BUB1B: variants seen among roughly 807,000 people sequenced by gnomAD.
The protein encoded by BUB1B is BUB1 mitotic checkpoint serine/threonine kinase B.
A neutral mutation model predicts 137.7 loss-of-function variants in BUB1B; 86 were observed. The observed-to-expected ratio is 0.62, with a 90% confidence interval of 0.52 to 0.75. BUB1B has a LOEUF of 0.75. Among genes scored for constraint, BUB1B ranks in the 30% least tolerant of loss-of-function variants. The pLI is 0.00. For missense variants in BUB1B, 1,130 were observed against 1,236.9 expected, an observed-to-expected ratio of 0.91 and a Z score of 1.30; for synonymous variants, 420 against 417.9, an observed-to-expected ratio of 1.00 and a Z score of -0.06.
chr15:40,186,568 C>T (rs1276517008), intron 8 of BUB1B, among the ~76,000 whole-genome samples: 5 of 151,312 alleles, frequency 3.3e-5, no homozygotes, highest in Non-Finnish European at 7.4e-5. Flanking sequence ...CCTTAGCCTC[C>T]CAAGTAGCTG....
At chr15:40,211,052 CTA>C in intron 18 of BUB1B, among the ~76,000 whole-genome samples, 1 of 152,272 alleles carries the variant, frequency 6.6e-6, no homozygotes, top group African/African-American at 2.4e-5. Context: ...CTCTTATTCT[CTA>C]ATTCCTTTTA....
intron 8 of BUB1B, among the ~76,000 whole-genome samples, chr15:40,190,433 G>A (rs534282476): frequency 4.6e-5 from 7 of 151,964 alleles, no homozygotes; most frequent in Non-Finnish European, 1.0e-4. Flanking sequence ...GCAATATAGT[G>A]AGACCCCATC....
chr15:40,166,668 T>C (rs924976272), intron 2 of BUB1B, among the ~76,000 whole-genome samples: 2 of 152,056 alleles, frequency 1.3e-5, no homozygotes, highest in Admixed American at 6.6e-5. Context: ...TCCCTTGGAG[T>C]GGAATTGTTG....
At chr15:40,212,800 T>A (rs904611682) in intron 19 of BUB1B, 152 bp downstream of exon 19, 6 of 806,876 alleles carry the variant, frequency 7.4e-6, no homozygotes, top group Non-Finnish European at 1.2e-5. Flanking sequence ...TCTCGTTATT[T>A]TGACCAAAGA....
intron 4 of BUB1B, 83 bp downstream of exon 4, chr15:40,170,764 A>G: frequency 7.0e-7 from 1 of 1,421,636 alleles, no homozygotes; most frequent in East Asian, 2.3e-5. Context: ...ACCAAAAAAA[A>G]AGTAAAACAG....
At chr15:40,180,567 A>G (rs1290551523) in intron 5 of BUB1B, among the ~76,000 whole-genome samples, 1 of 147,130 alleles carries the variant, frequency 6.8e-6, no homozygotes, top group Non-Finnish European at 1.5e-5. Flanking sequence ...TACCCAGCCA[A>G]CATTTCTTTT....
intron 2 of BUB1B, among the ~76,000 whole-genome samples, chr15:40,165,845 CTT>C (rs2037089319): frequency 6.7e-6 from 1 of 149,248 alleles, no homozygotes; most frequent in Admixed American, 6.7e-5. Context: ...TTATTCATCT[CTT>C]TGGATTTTTT....
chr15:40,184,787 G>A (rs1265569051), intron 6 of BUB1B, among the ~76,000 whole-genome samples: 3 of 152,098 alleles, frequency 2.0e-5, no homozygotes, highest in African/African-American at 7.2e-5. Context: ...TCTAGTTCCA[G>A]TATATCTCTG....
In BUB1B at chr15:40,181,093, A is replaced by AT. The variant is rs372589327; in HGVS notation, c.582-2604dup. Among the ~76,000 whole-genome samples the AT allele has an allele frequency of 8.1e-4, 112 of 137,878 alleles. 1 individual carries two copies. The highest frequency in any genetic ancestry group is 2.4e-3 in the South Asian group (10 of 4,228). 90.5% of individuals were successfully genotyped at this position (137,878 alleles called of 152,430 possible). ...TTTGATTGTGATGTGTCTAGATGTG[A>AT]TTTTTTTTTTTTTTTTTAGACAGAG... On this transcript the variant is annotated intron_variant, in intron 5 of 22. Coordinates refer to ENST00000287598, the MANE Select transcript of BUB1B (RefSeq NM_001211.6).
chr15:40,170,896 G>A lies in BUB1B; in HGVS notation c.384+215G>A, dbSNP rs533237114. On this transcript the variant is annotated intron_variant, in intron 4 of 22. Coordinates refer to ENST00000287598, the MANE Select transcript of BUB1B (RefSeq NM_001211.6). ...AAGGTATTTTCGCCCTTTTAAGATTGATCGCAAAGTCTGTAGATCTCTCAG... is the reference window on the plus strand; with the variant it reads ...AAGGTATTTTCGCCCTTTTAAGATTAATCGCAAAGTCTGTAGATCTCTCAG... 2.0e-5 allele frequency among the ~76,000 whole-genome samples: 3 copies of A among 152,226 alleles called. No homozygotes were observed. The South Asian group carries it at 6.2e-4, about 32-fold the overall frequency.
In BUB1B at chr15:40,187,599, A is replaced by G. The variant is rs184801429; in HGVS notation, c.1058+1957A>G. 6.2e-3 allele frequency among the ~76,000 whole-genome samples: 941 copies of G among 152,248 alleles called. 7 individuals are homozygous for G. The highest frequency in any genetic ancestry group is 0.02 in the Middle Eastern group (6 of 294). On this transcript the variant is annotated intron_variant, in intron 8 of 22. Transcript: ENST00000287598. ...GGGCAAGAACCTATCTCTAAAAAAT[A>G]AATCAATTATAATAATAAAGAAAAA...
chr15:40,164,560 A>G (rs568857793), intron 1 of BUB1B, among the ~76,000 whole-genome samples: 4 of 152,136 alleles, frequency 2.6e-5, no homozygotes, highest in African/African-American at 7.2e-5. Flanking sequence ...GATGCATTCA[A>G]TGGTAGGCAT....
intron 8 of BUB1B, among the ~76,000 whole-genome samples, chr15:40,192,899 T>C (rs1212193474): frequency 1.3e-5 from 2 of 152,230 alleles, no homozygotes; most frequent in African/African-American, 2.4e-5. Context: ...TCACCTACGC[T>C]GGAGTACAGT....
intron 2 of BUB1B, among the ~76,000 whole-genome samples, chr15:40,167,222 CAATT>C (rs2037110119): frequency 6.9e-6 from 1 of 144,290 alleles, no homozygotes; most frequent in Non-Finnish European, 1.5e-5. Context: ...TGATGAAGTT[CAATT>C]AATTAGTATT....
At chr15:40,180,642 C>CTTTTTT (rs71132149) in intron 5 of BUB1B, among the ~76,000 whole-genome samples, 257 of 65,844 alleles carry the variant, frequency 3.9e-3, no homozygotes, top group East Asian at 6.7e-3. Context: ...TTTTCTTTTT[C>CTTTTTT]TTTTTTTTTT....
chr15:40,170,162 A>G, intron 3 of BUB1B, 41 bp downstream of exon 3: 2 of 1,560,630 alleles, frequency 1.3e-6, no homozygotes, highest in Non-Finnish European at 1.8e-6. Flanking sequence ...AAACATTAAC[A>G]GATAAGTCCT....
chr15:40,208,835 G>A (rs2037671913), intron 16 of BUB1B, 65 bp downstream of exon 16: 3 of 1,528,324 alleles, frequency 2.0e-6, no homozygotes, highest in Non-Finnish European at 1.8e-6. Flanking sequence ...AAACTGAGCT[G>A]TATGTTTTTC....
rs567916146 is a variant in BUB1B, at chr15:40,176,673, G to A, written c.581G>A (p.Arg194Gln). The change falls in exon 5 of 23, where the codon CGA (arginine) becomes CAA (glutamine). Residue 194 changes from arginine to glutamine, a missense_variant and splice_region_variant. By Grantham distance (43) the Arg-to-Gln change is conservative. Coordinates refer to ENST00000287598, the MANE Select transcript of BUB1B (RefSeq NM_001211.6). The part of the protein sequence containing the change: ...EPLERLQSQH[R>Q]QFQARVSRQT... Reference sequence around the variant, plus strand: ...CTAGAAAGACTACAGTCCCAGCACCGGTAAACTTTCTTTGGAGCTTGTCTT... The same window carrying A: ...CTAGAAAGACTACAGTCCCAGCACCAGTAAACTTTCTTTGGAGCTTGTCTT... The A allele has an allele frequency of 1.6e-5, 26 of 1,613,584 alleles. No homozygotes were observed. The highest frequency in any genetic ancestry group is 2.2e-5 in the South Asian group (2 of 91,036).
intron 16 of BUB1B, 57 bp downstream of exon 16, chr15:40,208,827 A>C: frequency 3.9e-6 from 6 of 1,539,200 alleles, no homozygotes; most frequent in Non-Finnish European, 5.4e-6. Flanking sequence ...ATCTCAGCAA[A>C]CTGAGCTGTA....
Sources: gnomAD v4.1 joint callset for allele counts (sites outside exome capture counted in the v4.1 genomes callset) on GRCh38, gnomAD v4.1.1 for gene constraint, MANE v1.5 for transcripts, NCBI Gene and HGNC (gene_info 2026-07-23, HGNC 2026-07-21) for gene names.